Variants in PHKA1 observed in about 807,000 individuals in gnomAD.
PHKA1 encodes the protein phosphorylase b kinase regulatory subunit alpha, skeletal muscle isoform.
In PHKA1, 60 loss-of-function variants were observed where a neutral mutation model predicts 110.2. That is an observed-to-expected ratio of 0.54 (90% confidence interval 0.44 to 0.68). The LOEUF is 0.68. Ranked by LOEUF, PHKA1 falls within the 30% of genes least tolerant of loss-of-function variation. The probability of loss-of-function intolerance (pLI) is 0.00; values close to 1 mark genes in which losing one functional copy is unlikely to be tolerated. For synonymous variants in PHKA1, 316 were observed against 333.6 expected, an observed-to-expected ratio of 0.95 and a Z score of 0.58; for missense variants, 801 against 942.5, an observed-to-expected ratio of 0.85 and a Z score of 1.97.
chrX:72,703,129 T>C (rs1481816577), intron 3 of PHKA1, among the ~76,000 whole-genome samples: 2 of 111,858 alleles, frequency 1.8e-5, no homozygotes, highest in African/African-American at 3.2e-5. Flanking sequence ...CTCCTGAGGC[T>C]GTGTCATGGG....
chrX:72,608,794 C>T (rs1556255709), intron 23 of PHKA1, among the ~76,000 whole-genome samples: 1 of 110,980 alleles, frequency 9.0e-6, no homozygotes, highest in Non-Finnish European at 1.9e-5. Flanking sequence ...GAAATATTGA[C>T]AAAAGTTTTT....
chrX:72,603,604 C>T (rs1556246789), intron 25 of PHKA1, among the ~76,000 whole-genome samples: 1 of 111,176 alleles, frequency 9.0e-6, no homozygotes, highest in East Asian at 2.8e-4. Flanking sequence ...AACTTCTCAG[C>T]CTGGAAATAA....
chrX:72,638,676 A>C (rs782747670), intron 14 of PHKA1, among the ~76,000 whole-genome samples: 1 of 111,246 alleles, frequency 9.0e-6, no homozygotes, highest in Non-Finnish European at 1.9e-5. Flanking sequence ...GAGGCTTTCT[A>C]AGAACTCGTC....
chrX:72,603,994 AC>A (rs782775248), intron 25 of PHKA1, among the ~76,000 whole-genome samples: 1 of 110,573 alleles, frequency 9.0e-6, no homozygotes, highest in South Asian at 3.9e-4. Context: ...TAAACATCAG[AC>A]CCAGGGATCT....
At chrX:72,695,604 T>C (rs2054097188) in intron 4 of PHKA1, 104 bp downstream of exon 4, 2 of 787,092 alleles carry the variant, frequency 2.5e-6, no homozygotes, top group East Asian at 3.3e-5. Context: ...ACCTGTTTCA[T>C]GAAGATCTAC....
intron 5 of PHKA1, among the ~76,000 whole-genome samples, chrX:72,676,563 A>G (rs1284484804): frequency 8.9e-6 from 1 of 112,199 alleles, no homozygotes; most frequent in Admixed American, 9.5e-5. Flanking sequence ...ACAACGTACC[A>G]TGCACTAATT....
At chrX:72,643,334 A>C (rs1320036077) in intron 14 of PHKA1, among the ~76,000 whole-genome samples, 3 of 111,483 alleles carry the variant, frequency 2.7e-5, no homozygotes, top group Non-Finnish European at 5.7e-5. Context: ...CTAAGATCCA[A>C]TCTTTTACAA....
chrX:72,703,237 AG>A (rs5902713), intron 3 of PHKA1, among the ~76,000 whole-genome samples: 4,237 of 111,785 alleles, frequency 0.038, 95 homozygotes, highest in Non-Finnish European at 0.064. Context: ...AGAAGTCAGA[AG>A]GGAAATATTG....
At chrX:72,674,451 C>T (rs1018453608) in intron 6 of PHKA1, among the ~76,000 whole-genome samples, 6 of 111,538 alleles carry the variant, frequency 5.4e-5, no homozygotes, top group Non-Finnish European at 1.1e-4. Context: ...TATTTGTCCA[C>T]ATCCTCTCCA....
intron 28 of PHKA1, among the ~76,000 whole-genome samples, chrX:72,598,321 C>G (rs1001898630): frequency 5.4e-5 from 6 of 111,279 alleles, no homozygotes; most frequent in African/African-American, 2.0e-4. Flanking sequence ...CCAGTTCACA[C>G]CCATCAGGAT....
chrX:72,635,339 T>C, intron 15 of PHKA1, 40 bp from the exon 16 acceptor site: 1 of 1,121,709 alleles, frequency 8.9e-7, no homozygotes, highest in Non-Finnish European at 1.2e-6. Context: ...TAATTTACTC[T>C]CACAATTATC....
At chrX:72,673,143 A>G (rs1475509953) in intron 6 of PHKA1, among the ~76,000 whole-genome samples, 2 of 111,260 alleles carry the variant, frequency 1.8e-5, no homozygotes, top group Non-Finnish European at 3.8e-5. Context: ...TGAATGGGCT[A>G]TATCAATTAG....
At chrX:72,666,053 T>C in intron 8 of PHKA1, 98 bp downstream of exon 8, 1 of 849,720 alleles carries the variant, frequency 1.2e-6, no homozygotes, top group Non-Finnish European at 1.7e-6. Context: ...TAAAGGTTTC[T>C]TGAAATCACA....
At chrX:72,667,847 A>G (rs2053632576) in intron 6 of PHKA1, among the ~76,000 whole-genome samples, 2 of 111,888 alleles carry the variant, frequency 1.8e-5, no homozygotes, top group South Asian at 7.4e-4. Context: ...AAAGTAAAAC[A>G]CACTCCTTAT....
At chrX:72,710,924 C>T (rs1344695355) in intron 2 of PHKA1, among the ~76,000 whole-genome samples, 3 of 105,335 alleles carry the variant, frequency 2.8e-5, no homozygotes, top group African/African-American at 6.9e-5. Flanking sequence ...TGCAGTGGCG[C>T]GATCTCGGCT....
At chrX:72,607,964 C>G (rs956448689) in intron 23 of PHKA1, among the ~76,000 whole-genome samples, 39 of 111,105 alleles carry the variant, frequency 3.5e-4, no homozygotes, top group African/African-American at 1.2e-3. Context: ...CCACTGTGGC[C>G]AACCTGGTAC....
At chrX:72,642,220 T>C (rs782688888) in intron 14 of PHKA1, among the ~76,000 whole-genome samples, 7 of 111,746 alleles carry the variant, frequency 6.3e-5, no homozygotes, top group Non-Finnish European at 1.1e-4. Context: ...TTGCTTCTAT[T>C]TGTTGGAGAG....
intron 1 of PHKA1, 26 bp from the exon 2 acceptor site, chrX:72,712,963 G>A: frequency 8.3e-7 from 1 of 1,206,139 alleles, no homozygotes; most frequent in Non-Finnish European, 1.1e-6. Flanking sequence ...AAAGAGGGCA[G>A]GAAGGTAACC....
rs1556249438 is a variant in PHKA1, at chrX:72,605,440, G to T, written c.2686-40C>A. The T allele has an allele frequency of 3.4e-6, 4 of 1,186,792 alleles. No homozygotes were observed. The Admixed American group carries it at 6.5e-5, about 19-fold the overall frequency. On this transcript the variant is annotated intron_variant, in intron 24 of 31. Coordinates refer to ENST00000373542, the MANE Select transcript of PHKA1 (RefSeq NM_002637.4). ...GATATAGACAAAAATAATGGCCTAG[G>T]TCTCACAATGCCTATTTTGTTGTCT... is the stretch of plus-strand genomic sequence containing the variant.
Sources: allele counts gnomAD v4.1 joint callset (sites outside exome capture counted in the v4.1 genomes callset), GRCh38; gene constraint gnomAD v4.1.1; transcripts MANE v1.5; gene names NCBI Gene and HGNC (gene_info 2026-07-23, HGNC 2026-07-21).